Variants in KHDRBS2 observed in about 807,000 individuals in gnomAD.
KHDRBS2 encodes the protein KH RNA binding domain containing, signal transduction associated 2, also known as KH domain-containing, RNA-binding, signal transduction-associated protein 2.
In KHDRBS2, 26 loss-of-function variants were observed where a neutral mutation model predicts 44.3. The ratio of observed to expected loss-of-function variants is 0.59; its 90% CI spans 0.43 to 0.81. The LOEUF (loss-of-function observed/expected upper bound fraction) is 0.81. Ranked by LOEUF, KHDRBS2 falls within the 40% of genes least tolerant of loss-of-function variation. The pLI, the probability that KHDRBS2 is intolerant of heterozygous loss-of-function variation, is 0.00. For synonymous variants in KHDRBS2, 194 were observed against 151.1 expected (o/e 1.28, Z -2.08); for missense variants, 476 against 433.1 (o/e 1.10, Z -0.88).
the KHDRBS2 span, among the ~76,000 whole-genome samples, chr6:61,635,984 C>G: frequency 6.6e-6 from 1 of 151,982 alleles, no homozygotes; most frequent in Non-Finnish European, 1.5e-5. Flanking sequence ...TTTCCAAGAT[C>G]AAACATAGAA....
At chr6:62,201,950 A>T in intron 1 of KHDRBS2, among the ~76,000 whole-genome samples, 1 of 152,056 alleles carries the variant, frequency 6.6e-6, no homozygotes, top group East Asian at 1.9e-4. Flanking sequence ...ATTCTTATGG[A>T]TATGTAAAAA....
intron 7 of KHDRBS2, among the ~76,000 whole-genome samples, chr6:61,713,581 CTT>C (rs77315449): frequency 0.39 from 56,540 of 144,230 alleles, 11,680 homozygotes; most frequent in African/African-American, 0.57. Context: ...ATACCTTTAG[CTT>C]TTTTTTTTTT....
chr6:62,049,434 G>GA, intron 2 of KHDRBS2, among the ~76,000 whole-genome samples: 1 of 150,508 alleles, frequency 6.6e-6, no homozygotes, highest in African/African-American at 2.4e-5. Context: ...GAAAGCATTA[G>GA]AAAAACCTTT....
At chr6:62,146,276 C>T (rs1264002962) in intron 2 of KHDRBS2, among the ~76,000 whole-genome samples, 1 of 151,732 alleles carries the variant, frequency 6.6e-6, no homozygotes, top group Non-Finnish European at 1.5e-5. Flanking sequence ...TTAAACTTTC[C>T]TCGCTACCTG....
intron 4 of KHDRBS2, among the ~76,000 whole-genome samples, chr6:61,947,224 A>G (rs982999387): frequency 6.6e-6 from 1 of 152,178 alleles, no homozygotes; most frequent in East Asian, 1.9e-4. Flanking sequence ...GTTCGTGCTC[A>G]TCAGTCAGTT....
At chr6:62,280,455 G>A (rs1841642923) in intron 1 of KHDRBS2, among the ~76,000 whole-genome samples, 1 of 152,118 alleles carries the variant, frequency 6.6e-6, no homozygotes, top group South Asian at 2.1e-4. Context: ...GTCAACAGTG[G>A]AAAGTGCAGC....
intron 1 of KHDRBS2, among the ~76,000 whole-genome samples, chr6:62,210,630 T>TCACCAG (rs1445545806): frequency 1.3e-5 from 2 of 152,144 alleles, no homozygotes; most frequent in African/African-American, 4.8e-5. Context: ...ATTCTTAAAA[T>TCACCAG]CACCAGTAAA....
At chr6:62,222,217 T>G (rs530959831) in intron 1 of KHDRBS2, among the ~76,000 whole-genome samples, 2 of 143,810 alleles carry the variant, frequency 1.4e-5, no homozygotes, top group African/African-American at 2.6e-5. Flanking sequence ...AAAAAGAGAG[T>G]GAGGGAGGGA....
intron 8 of KHDRBS2, among the ~76,000 whole-genome samples, chr6:61,691,270 T>C (rs999275021): frequency 2.6e-5 from 4 of 152,118 alleles, no homozygotes; most frequent in African/African-American, 9.6e-5. Flanking sequence ...GATGTAGTGG[T>C]GCACTGCTCT....
chr6:62,211,936 G>A (rs1829120731), intron 1 of KHDRBS2, among the ~76,000 whole-genome samples: 1 of 152,128 alleles, frequency 6.6e-6, no homozygotes, highest in Non-Finnish European at 1.5e-5. Flanking sequence ...ACTGGATAAA[G>A]AAAATGTAGT....
chr6:61,848,526 T>C (rs865941403), intron 6 of KHDRBS2, among the ~76,000 whole-genome samples: 7 of 54,826 alleles, frequency 1.3e-4, no homozygotes, highest in African/African-American at 1.9e-4. Flanking sequence ...TATGTATATA[T>C]ATATACATAT....
chr6:61,713,725 A>T (rs1770910089), intron 7 of KHDRBS2, among the ~76,000 whole-genome samples: 1 of 151,754 alleles, frequency 6.6e-6, no homozygotes, highest in Non-Finnish European at 1.5e-5. Context: ...TGTAGAACCC[A>T]GATATAAAAC....
At chr6:61,842,991 G>A (rs1432394998) in intron 6 of KHDRBS2, among the ~76,000 whole-genome samples, 1 of 136,586 alleles carries the variant, frequency 7.3e-6, no homozygotes, top group African/African-American at 2.5e-5. Flanking sequence ...ATTTTATATT[G>A]TTCAGCCATA....
At chr6:61,605,403 C>G in the KHDRBS2 span, among the ~76,000 whole-genome samples, 1 of 152,178 alleles carries the variant, frequency 6.6e-6, no homozygotes, top group East Asian at 1.9e-4. Context: ...CCCCAAACCG[C>G]CACTCTTAAC....
At chr6:62,103,901 T>C (rs1183576062) in intron 2 of KHDRBS2, among the ~76,000 whole-genome samples, 2 of 152,098 alleles carry the variant, frequency 1.3e-5, no homozygotes, top group Non-Finnish European at 1.5e-5. Flanking sequence ...AATAAAGTCA[T>C]TTTAGACACA....
intron 4 of KHDRBS2, among the ~76,000 whole-genome samples, chr6:61,954,249 GTC>G (rs759121217): frequency 2.6e-5 from 4 of 151,782 alleles, no homozygotes; most frequent in Non-Finnish European, 4.4e-5. Context: ...GAATGTGTGT[GTC>G]TCTGTGTGTA....
chr6:61,942,353 T>C (rs1004260728), intron 4 of KHDRBS2, among the ~76,000 whole-genome samples: 11 of 151,766 alleles, frequency 7.2e-5, no homozygotes, highest in African/African-American at 2.7e-4. Flanking sequence ...ACTTTAGATA[T>C]GAATGAGAAA....
At chr6:61,901,115 T>G (rs1368918605) in intron 5 of KHDRBS2, 129 bp downstream of exon 5, 31 of 831,632 alleles carry the variant, frequency 3.7e-5, no homozygotes, top group Middle Eastern at 2.6e-4. Context: ...TTCATCGTTA[T>G]TGTTTTTGCT....
At chr6:61,882,755 T>C (rs559167307) in intron 6 of KHDRBS2, among the ~76,000 whole-genome samples, 10 of 152,114 alleles carry the variant, frequency 6.6e-5, no homozygotes, top group African/African-American at 2.2e-4. Context: ...TTCCACTAAA[T>C]AGGGAATCCA....
Sources: gnomAD v4.1 joint callset for allele counts (sites outside exome capture counted in the v4.1 genomes callset) on GRCh38, gnomAD v4.1.1 for gene constraint, MANE v1.5 for transcripts, NCBI Gene and HGNC (gene_info 2026-07-23, HGNC 2026-07-21) for gene names.